The following CHRM3 variants were observed in gnomAD, a reference collection of about 807,000 sequenced individuals.
CHRM3 encodes the protein cholinergic receptor muscarinic 3, also known as muscarinic acetylcholine receptor M3.
Under a neutral mutation model 41.8 loss-of-function variants are expected in CHRM3, and 11 were observed. That is an observed-to-expected ratio of 0.26 (90% CI 0.17 to 0.44). The LOEUF is 0.44. Among genes scored for constraint, CHRM3 ranks in the 20% least tolerant of loss-of-function variants. CHRM3 has a pLI of 1.00. For synonymous variants in CHRM3, 297 were observed against 301.4 expected (o/e 0.99, Z 0.15); for missense variants, 571 against 745.4 (o/e 0.77, Z 2.72).
intron 1 of CHRM3, among the ~76,000 whole-genome samples, chr1:239,442,046 T>C (rs2103258133): frequency 1.3e-5 from 2 of 152,322 alleles, no homozygotes; most frequent in South Asian, 2.1e-4. Context: ...ATGTACATAA[T>C]ATGTATCTCT....
At chr1:239,805,952 A>T (rs1269198124) in intron 5 of CHRM3, among the ~76,000 whole-genome samples, 1 of 152,110 alleles carries the variant, frequency 6.6e-6, no homozygotes, top group Non-Finnish European at 1.5e-5. Flanking sequence ...TTTCATTACC[A>T]CGTTAAAAAC....
intron 6 of CHRM3, among the ~76,000 whole-genome samples, chr1:239,895,775 C>T (rs1215461486): frequency 6.6e-6 from 1 of 152,084 alleles, no homozygotes; most frequent in East Asian, 1.9e-4. Context: ...ATTGAGTACA[C>T]ATAGACACAA....
At chr1:239,466,064 G>A (rs1665707204) in intron 1 of CHRM3, among the ~76,000 whole-genome samples, 1 of 152,056 alleles carries the variant, frequency 6.6e-6, no homozygotes, top group African/African-American at 2.4e-5. Flanking sequence ...CGTGATCTCC[G>A]CTCACTGCAG....
intron 1 of CHRM3, among the ~76,000 whole-genome samples, chr1:239,480,114 A>G (rs1337555104): frequency 6.6e-6 from 1 of 152,178 alleles, no homozygotes; most frequent in African/African-American, 2.4e-5. Context: ...AGAATTCTAC[A>G]TCTAGAAAAA....
intron 1 of CHRM3, among the ~76,000 whole-genome samples, chr1:239,404,967 G>T (rs1316646138): frequency 1.3e-5 from 2 of 151,868 alleles, no homozygotes; most frequent in Admixed American, 6.6e-5. Flanking sequence ...TATATAAACA[G>T]CAGGATGTCA....
intron 3 of CHRM3, among the ~76,000 whole-genome samples, chr1:239,601,608 C>A (rs550868065): frequency 3.3e-5 from 5 of 152,074 alleles, no homozygotes; most frequent in Admixed American, 6.5e-5. Flanking sequence ...CACTCTGAAC[C>A]TTTAGTCTTC....
chr1:239,699,247 CAT>C (rs1558465782), intron 5 of CHRM3, among the ~76,000 whole-genome samples: 1 of 124,172 alleles, frequency 8.1e-6, no homozygotes, highest in Non-Finnish European at 1.8e-5. Flanking sequence ...CTCCAAAACA[CAT>C]ATGTTGAAGC....
At chr1:239,734,331 C>G (rs974685476) in intron 5 of CHRM3, among the ~76,000 whole-genome samples, 2 of 152,036 alleles carry the variant, frequency 1.3e-5, no homozygotes, top group Admixed American at 1.3e-4. Flanking sequence ...TCAGAGCCAA[C>G]TTGAAAGGAC....
chr1:239,505,863 T>C (rs184121415), intron 2 of CHRM3, among the ~76,000 whole-genome samples: 1 of 152,320 alleles, frequency 6.6e-6, no homozygotes, highest in African/African-American at 2.4e-5. Context: ...AGTTCCAGGC[T>C]GAGTTGGTCT....
Position 239,909,166 on chromosome 1 carries a change from A to G in CHRM3, c.1715A>G (p.Gln572Arg). The G allele has an allele frequency of 6.2e-7, 1 of 1,614,010 alleles. No homozygotes were observed. Among genetic ancestry groups the G allele is most frequent in the South Asian group, 1.1e-5 (1 of 91,070 alleles). The change falls in exon 7 of 7, where the codon CAG becomes CGG. Residue 572 changes from glutamine to arginine, a missense_variant. Physicochemically the swap from Gln to Arg is conservative, Grantham distance 43 (BLOSUM62 1). Transcript: ENST00000676153. ...QCDKKKRRKQQYQQRQSVIFH... is the reference protein window; with the variant it reads ...QCDKKKRRKQRYQQRQSVIFH... Reference sequence around the variant, plus strand: ...GACAAAAAAAAGAGGCGCAAGCAGCAGTACCAGCAGAGACAGTCGGTCATT... The same window carrying G: ...GACAAAAAAAAGAGGCGCAAGCAGCGGTACCAGCAGAGACAGTCGGTCATT...
chr1:239,674,194 T>C (rs1358633713), intron 4 of CHRM3, among the ~76,000 whole-genome samples: 1 of 152,154 alleles, frequency 6.6e-6, no homozygotes, highest in African/African-American at 2.4e-5. Context: ...GTGGAATAAT[T>C]TGTGAGTGGG....
chr1:239,721,000 T>C (rs756794790), intron 5 of CHRM3, among the ~76,000 whole-genome samples: 1 of 151,920 alleles, frequency 6.6e-6, no homozygotes, highest in East Asian at 1.9e-4. Flanking sequence ...AAGGTCTTCA[T>C]AAATTATTAT....
chr1:239,835,218 T>C (rs1389365167), intron 6 of CHRM3, among the ~76,000 whole-genome samples: 1 of 152,238 alleles, frequency 6.6e-6, no homozygotes, highest in African/African-American at 2.4e-5. Flanking sequence ...GGGCAGATCT[T>C]CAGTCTTTCC....
chr1:239,745,440 A>C (rs1350102555), intron 5 of CHRM3, among the ~76,000 whole-genome samples: 1 of 133,998 alleles, frequency 7.5e-6, no homozygotes, highest in Non-Finnish European at 1.6e-5. Flanking sequence ...TTTTCCTGTC[A>C]AAAAAAAAAA....
intron 2 of CHRM3, among the ~76,000 whole-genome samples, chr1:239,508,676 C>G (rs142851580): frequency 2.6e-5 from 4 of 152,070 alleles, no homozygotes; most frequent in Non-Finnish European, 1.5e-5. Context: ...AGCTTATTAG[C>G]GAAGTGCTTT....
chr1:239,751,707 A>T (rs1008870950), intron 5 of CHRM3, among the ~76,000 whole-genome samples: 1 of 152,156 alleles, frequency 6.6e-6, no homozygotes, highest in Non-Finnish European at 1.5e-5. Flanking sequence ...ACAGATGGGG[A>T]TTCTCATCTC....
intron 5 of CHRM3, among the ~76,000 whole-genome samples, chr1:239,757,110 A>G (rs1666308378): frequency 6.6e-6 from 1 of 152,198 alleles, no homozygotes; most frequent in South Asian, 2.1e-4. Flanking sequence ...ATGATTTGTA[A>G]AGGACTTTGA....
intron 1 of CHRM3, among the ~76,000 whole-genome samples, chr1:239,406,477 C>T (rs1378379887): frequency 1.3e-5 from 2 of 152,266 alleles, no homozygotes; most frequent in African/African-American, 4.8e-5. Flanking sequence ...AACTATGAAC[C>T]AAAGTTAAAT....
chr1:239,679,027 G>GGATAGATAGATA (rs61514483), intron 5 of CHRM3, among the ~76,000 whole-genome samples: 31,228 of 148,610 alleles, frequency 0.21, 3,515 homozygotes, highest in Middle Eastern at 0.36. Context: ...GTAGATAGAT[G>GGATAGATAGATA]GATAGATAGA....
Sources: allele counts gnomAD v4.1 joint callset (sites outside exome capture counted in the v4.1 genomes callset), GRCh38; gene constraint gnomAD v4.1.1; transcripts MANE v1.5; gene names NCBI Gene and HGNC (gene_info 2026-07-23, HGNC 2026-07-21).